KLHL7: variants seen among roughly 807,000 people sequenced by gnomAD.
KLHL7 encodes kelch-like protein 7.
In KLHL7, 44 loss-of-function variants were observed where a neutral mutation model predicts 67.4. That is an observed-to-expected ratio of 0.65 (90% CI 0.51 to 0.84). KLHL7 has a LOEUF of 0.84. KLHL7 is among the 40% of genes least tolerant of loss of function. The pLI is 0.00. For synonymous variants in KLHL7, 252 were observed against 243.3 expected, an observed-to-expected ratio of 1.04 and a Z score of -0.33; for missense variants, 362 against 718.1, an observed-to-expected ratio of 0.50 and a Z score of 5.67.
At chr7:23,123,038 G>A (rs1000897525) in intron 1 of KLHL7, among the ~76,000 whole-genome samples, 5 of 152,104 alleles carry the variant, frequency 3.3e-5, no homozygotes, top group Non-Finnish European at 7.4e-5. Context: ...AAGTGTTCTA[G>A]TAAGCCTTAA....
intron 7 of KLHL7, among the ~76,000 whole-genome samples, chr7:23,164,393 A>G (rs1284751715): frequency 6.6e-6 from 1 of 152,194 alleles, no homozygotes; most frequent in Admixed American, 6.5e-5. Context: ...GATTTAGTTT[A>G]TCTTTGAGGG....
chr7:23,138,646 T>C (rs985652039), intron 4 of KLHL7, among the ~76,000 whole-genome samples: 4 of 151,900 alleles, frequency 2.6e-5, no homozygotes. Flanking sequence ...CAAGTGATCC[T>C]CCTGCCTCAG....
At chr7:23,169,158 C>G (rs565992031) in intron 9 of KLHL7, among the ~76,000 whole-genome samples, 125 of 151,944 alleles carry the variant, frequency 8.2e-4, no homozygotes, top group Non-Finnish European at 1.5e-3. Context: ...ACTGGGGAGG[C>G]TGAAGCAGGA....
chr7:23,144,415 C>T (rs138980536), intron 6 of KLHL7, among the ~76,000 whole-genome samples: 280 of 152,238 alleles, frequency 1.8e-3, no homozygotes, highest in Non-Finnish European at 3.4e-3. Flanking sequence ...TTTTCATTTG[C>T]TTCCATTTTC....
intron 5 of KLHL7, among the ~76,000 whole-genome samples, chr7:23,142,922 G>A (rs1784237271): frequency 6.6e-6 from 1 of 152,108 alleles, no homozygotes; most frequent in Admixed American, 6.5e-5. Context: ...TAGTTAATGT[G>A]TCAATATTGG....
intron 9 of KLHL7, among the ~76,000 whole-genome samples, chr7:23,168,870 C>T (rs1785075414): frequency 6.6e-6 from 1 of 152,186 alleles, no homozygotes; most frequent in Admixed American, 6.5e-5. Flanking sequence ...GCCAGAGTTG[C>T]ATCAAAACTC....
At chr7:23,154,231 T>G (rs1784628695) in intron 7 of KLHL7, among the ~76,000 whole-genome samples, 1 of 152,136 alleles carries the variant, frequency 6.6e-6, no homozygotes, top group African/African-American at 2.4e-5. Context: ...AGTGCATGTC[T>G]GAAATGTCAG....
intron 1 of KLHL7, 94 bp downstream of exon 1, chr7:23,106,240 G>GCGCCCCTCTTTCTCTGTCCT: frequency 6.4e-7 from 1 of 1,552,792 alleles, no homozygotes; most frequent in Admixed American, 2.0e-5. Flanking sequence ...CCTGTGGATC[G>GCGCCCCTCTTTCTCTGTCCT]CGCCCCTCTT....
intron 4 of KLHL7, among the ~76,000 whole-genome samples, chr7:23,128,125 T>A: frequency 7.2e-6 from 1 of 139,774 alleles, no homozygotes. Flanking sequence ...AGAGTGAGAC[T>A]CTGTCTCAAG....
intron 1 of KLHL7, among the ~76,000 whole-genome samples, chr7:23,121,825 G>A (rs1464296430): frequency 6.6e-6 from 1 of 151,868 alleles, no homozygotes; most frequent in Non-Finnish European, 1.5e-5. Flanking sequence ...TGGGACTACA[G>A]GTGCCCACCA....
At chr7:23,143,597 T>G (rs369822443) in intron 5 of KLHL7, among the ~76,000 whole-genome samples, 2 of 151,216 alleles carry the variant, frequency 1.3e-5, no homozygotes. Context: ...TTTTTTTTAA[T>G]CATAAATTCA....
chr7:23,158,577 G>C (rs951785637), intron 7 of KLHL7, among the ~76,000 whole-genome samples: 2 of 152,210 alleles, frequency 1.3e-5, no homozygotes, highest in African/African-American at 2.4e-5. Flanking sequence ...ACTAACAACA[G>C]AGTGTGTTGT....
intron 1 of KLHL7, among the ~76,000 whole-genome samples, chr7:23,123,484 G>GAAAAAA (rs1161710933): frequency 2.1e-5 from 2 of 96,496 alleles, no homozygotes; most frequent in East Asian, 2.8e-4. Context: ...ATCTGTGTCA[G>GAAAAAA]AAAAAAAAAA....
intron 4 of KLHL7, among the ~76,000 whole-genome samples, chr7:23,138,137 C>T (rs1207216845): frequency 4.0e-5 from 6 of 151,708 alleles, no homozygotes; most frequent in Non-Finnish European, 7.4e-5. Context: ...GTTCGTGCCA[C>T]TGCACTCAAG....
At chr7:23,171,197 C>A in intron 9 of KLHL7, 1 of 348,262 alleles carries the variant, frequency 2.9e-6, no homozygotes, top group South Asian at 2.2e-5. Context: ...AAAAACGCTT[C>A]TAAACATTAA....
intron 5 of KLHL7, among the ~76,000 whole-genome samples, chr7:23,141,800 T>G (rs1157682975): frequency 6.6e-6 from 1 of 151,950 alleles, no homozygotes; most frequent in East Asian, 1.9e-4. Context: ...TTTTTTGTAT[T>G]TTTTAGTAGA....
chr7:23,106,483 T>A, intron 1 of KLHL7: 1 of 1,185,880 alleles, frequency 8.4e-7, no homozygotes, highest in Non-Finnish European at 1.1e-6. Context: ...TGGCGAGCCG[T>A]TTTAAGGTGC....
rs1785267298 is a variant in KLHL7, at chr7:23,175,110, T to C, written c.*812T>C. 2.2e-6 allele frequency: 1 copy of C among 453,932 alleles called. No individual in the cohort carries two copies. Among genetic ancestry groups the C allele is most frequent in the Non-Finnish European group, 4.4e-6 (1 of 226,768 alleles). The allele number at this position is 453,932 out of a possible 1,614,324, so 28.1% of individuals were successfully genotyped here. A position where few individuals can be genotyped will look rare whatever the true frequency, so the allele number is the denominator to read the frequency against. ...TATTTATAGCAAATTTCTAGATCAT[T>C]AGAAAAGCACTGGTAGTTGTACAAT... On this transcript the variant is annotated 3_prime_UTR_variant, in exon 11 of 11. Transcript: ENST00000339077.
chr7:23,105,870 T>C lies in KLHL7; in HGVS notation c.-157T>C. Reference sequence around the variant, plus strand: ...GCCGCCCGGCCTTGTCTTTCGGCAGTGGCCGAGCCACCGCCGCCTGCCGCG... The same window carrying C: ...GCCGCCCGGCCTTGTCTTTCGGCAGCGGCCGAGCCACCGCCGCCTGCCGCG... On this transcript the variant is annotated 5_prime_UTR_variant, in exon 1 of 11. Coordinates refer to ENST00000339077, the MANE Select transcript of KLHL7 (RefSeq NM_001031710.3). 1 of 1,139,174 alleles carries C rather than the reference T, an allele frequency of 8.8e-7. No individual in the cohort carries two copies. Among genetic ancestry groups the C allele is most frequent in the Non-Finnish European group, 1.3e-6 (1 of 791,630 alleles). 70.6% of individuals were successfully genotyped at this position (1,139,174 alleles called of 1,614,324 possible). A position where few individuals can be genotyped will look rare whatever the true frequency, so the allele number is the denominator to read the frequency against.
Sources: gnomAD v4.1 joint callset for allele counts (sites outside exome capture counted in the v4.1 genomes callset) on GRCh38, gnomAD v4.1.1 for gene constraint, MANE v1.5 for transcripts, NCBI Gene and HGNC (gene_info 2026-07-23, HGNC 2026-07-21) for gene names.